The following SLC4A4 variants were observed in gnomAD, a reference collection of about 807,000 sequenced individuals.
SLC4A4 encodes the protein solute carrier family 4 member 4.
SLC4A4 carries 27 observed loss-of-function variants against 111.5 expected under a neutral mutation model. The observed-to-expected ratio is 0.24, with a 90% CI of 0.18 to 0.33. SLC4A4 has a LOEUF of 0.33. SLC4A4 is among the 10% of genes least tolerant of loss of function. SLC4A4 has a pLI of 1.00. For synonymous variants in SLC4A4, 443 were observed against 463.4 expected (o/e 0.96, Z 0.57); for missense variants, 909 against 1,315.5 (o/e 0.69, Z 4.78).
chr4:71,165,441 A>G (rs975360721), intron 2 of SLC4A4, among the ~76,000 whole-genome samples: 1 of 152,208 alleles, frequency 6.6e-6, no homozygotes, highest in African/African-American at 2.4e-5. Context: ...TTCTCAGCAA[A>G]CTAACAGAGG....
At chr4:71,537,286 T>C (rs1211886565) in intron 18 of SLC4A4, among the ~76,000 whole-genome samples, 1 of 55,378 alleles carries the variant, frequency 1.8e-5, no homozygotes, top group Non-Finnish European at 4.6e-5. Context: ...AATACAAATA[T>C]GTCTACATAT....
intron 16 of SLC4A4, among the ~76,000 whole-genome samples, chr4:71,524,761 C>T (rs368120054): frequency 6.6e-6 from 1 of 152,058 alleles, no homozygotes. Flanking sequence ...AATTGTCTGG[C>T]ATAATTTTTC....
chr4:71,562,639 G>T (rs1737097718), intron 23 of SLC4A4, among the ~76,000 whole-genome samples: 1 of 151,016 alleles, frequency 6.6e-6, no homozygotes, highest in Non-Finnish European at 1.5e-5. Flanking sequence ...TTGAGCCTAT[G>T]TGTGTCTTTG....
chr4:71,317,628 A>G (rs1726792819), intron 3 of SLC4A4, among the ~76,000 whole-genome samples: 1 of 152,124 alleles, frequency 6.6e-6, no homozygotes, highest in Non-Finnish European at 1.5e-5. Context: ...AGTTCAAACC[A>G]ATGGCTAGAT....
At chr4:71,110,364 G>A (rs555268230) in intron 2 of SLC4A4, among the ~76,000 whole-genome samples, 1 of 152,098 alleles carries the variant, frequency 6.6e-6, no homozygotes, top group Non-Finnish European at 1.5e-5. Context: ...ACAGGCACAT[G>A]TTACCATGCC....
intron 23 of SLC4A4, among the ~76,000 whole-genome samples, chr4:71,562,625 T>C (rs1231717965): frequency 1.3e-5 from 2 of 151,810 alleles, no homozygotes; most frequent in African/African-American, 4.8e-5. Flanking sequence ...TCCATCCCTT[T>C]ATTTTGAGCC....
At chr4:71,157,829 G>A (rs1380895851) in intron 2 of SLC4A4, among the ~76,000 whole-genome samples, 1 of 152,094 alleles carries the variant, frequency 6.6e-6, no homozygotes, top group Non-Finnish European at 1.5e-5. Context: ...TTTGCTTGCT[G>A]GCATCTCTAA....
intron 7 of SLC4A4, among the ~76,000 whole-genome samples, chr4:71,406,625 C>T (rs79000247): frequency 9.4e-4 from 139 of 147,260 alleles, no homozygotes; most frequent in Non-Finnish European, 1.4e-3. Flanking sequence ...TAGAACTGAA[C>T]TGAAATGAAA....
intron 2 of SLC4A4, among the ~76,000 whole-genome samples, chr4:71,168,079 G>T (rs1744830359): frequency 6.6e-6 from 1 of 150,684 alleles, no homozygotes; most frequent in Non-Finnish European, 1.5e-5. Context: ...AAAATATTTT[G>T]ATATAGGCAT....
intron 5 of SLC4A4, among the ~76,000 whole-genome samples, chr4:71,352,111 A>G (rs1448149877): frequency 6.6e-6 from 1 of 152,202 alleles, no homozygotes; most frequent in Admixed American, 6.5e-5. Flanking sequence ...ATTCATTAAA[A>G]GCTGCAAGAA....
At chr4:71,180,795 C>T (rs1745263218) in intron 2 of SLC4A4, among the ~76,000 whole-genome samples, 2 of 152,124 alleles carry the variant, frequency 1.3e-5, no homozygotes, top group South Asian at 4.2e-4. Flanking sequence ...TGTGGCGATT[C>T]CTCAGGGATC....
intron 3 of SLC4A4, among the ~76,000 whole-genome samples, chr4:71,288,616 C>G (rs1263888898): frequency 6.6e-6 from 1 of 152,022 alleles, no homozygotes; most frequent in African/African-American, 2.4e-5. Flanking sequence ...CCAGGCTGGT[C>G]TTGTACTCCT....
At chr4:71,331,822 C>T (rs1728022264) in intron 3 of SLC4A4, among the ~76,000 whole-genome samples, 1 of 151,202 alleles carries the variant, frequency 6.6e-6, no homozygotes, top group African/African-American at 2.4e-5. Flanking sequence ...CTTTTCTATG[C>T]TAGGAGACCG....
intron 2 of SLC4A4, among the ~76,000 whole-genome samples, chr4:71,149,647 T>G (rs905014919): frequency 6.6e-6 from 1 of 152,220 alleles, no homozygotes; most frequent in African/African-American, 2.4e-5. Flanking sequence ...AGTCACATGT[T>G]GGGCTCTGTG....
intron 2 of SLC4A4, among the ~76,000 whole-genome samples, chr4:71,137,358 A>T (rs1244643965): frequency 6.6e-6 from 1 of 152,208 alleles, no homozygotes; most frequent in Admixed American, 6.5e-5. Flanking sequence ...TTGATCACTT[A>T]TCTATCTAGA....
At chr4:71,557,111 G>A (rs1252128501) in intron 21 of SLC4A4, among the ~76,000 whole-genome samples, 1 of 151,920 alleles carries the variant, frequency 6.6e-6, no homozygotes, top group African/African-American at 2.4e-5. Context: ...ACTCACTGTA[G>A]TATTCATATG....
chr4:71,064,247 C>A (rs536002742), intron 1 of SLC4A4, among the ~76,000 whole-genome samples: 1 of 152,158 alleles, frequency 6.6e-6, no homozygotes, highest in Non-Finnish European at 1.5e-5. Context: ...AACCTCAATT[C>A]TTCATCAGGG....
intron 3 of SLC4A4, among the ~76,000 whole-genome samples, chr4:71,317,871 A>G (rs1431323645): frequency 6.6e-6 from 1 of 152,126 alleles, no homozygotes; most frequent in Non-Finnish European, 1.5e-5. Flanking sequence ...GAATATAGAA[A>G]TAATACTTAG....
chr4:71,567,777 T>G lies in SLC4A4; in HGVS notation c.*37-11T>G. 7.3e-7 allele frequency: 1 copy of G among 1,369,340 alleles called. No homozygotes were observed. The allele number at this position is 1,369,340 out of a possible 1,614,324, so 84.8% of individuals were successfully genotyped here. A position where few individuals can be genotyped will look rare whatever the true frequency, so the allele number is the denominator to read the frequency against. On this transcript the variant is annotated splice_polypyrimidine_tract_variant and intron_variant, in intron 25 of 25. Transcript: ENST00000264485. ...ATTTACTTACTACTTTTTTTTTTCCTTTTTCTCTAGTCCTCCTAGAACTCC... is the reference window on the plus strand; with the variant it reads ...ATTTACTTACTACTTTTTTTTTTCCGTTTTCTCTAGTCCTCCTAGAACTCC...
Sources: allele counts gnomAD v4.1 joint callset (sites outside exome capture counted in the v4.1 genomes callset), GRCh38; gene constraint gnomAD v4.1.1; transcripts MANE v1.5; gene names NCBI Gene and HGNC (gene_info 2026-07-23, HGNC 2026-07-21).